Variants in MYCBP2 observed in about 807,000 individuals in gnomAD.
MYCBP2 encodes the protein MYC binding protein 2.
A neutral mutation model predicts 525.3 loss-of-function variants in MYCBP2; 120 were observed. The observed-to-expected ratio is 0.23, with a 90% CI of 0.20 to 0.27. MYCBP2 has a LOEUF of 0.27. MYCBP2 is among the 10% of genes least tolerant of loss of function. MYCBP2 has a pLI of 1.00. For missense variants in MYCBP2, 4,149 were observed against 5,657.1 expected (o/e 0.73, Z 8.55); for synonymous variants, 1,894 against 1,955.8 (o/e 0.97, Z 0.83).
intron 46 of MYCBP2, among the ~76,000 whole-genome samples, chr13:77,151,990 G>C (rs1484256777): frequency 1.3e-5 from 2 of 152,136 alleles, no homozygotes; most frequent in African/African-American, 2.4e-5. Flanking sequence ...ATAGTTTTGT[G>C]GTTGGCAAGA....
At chr13:77,268,797 T>G (rs1041024580) in intron 7 of MYCBP2, among the ~76,000 whole-genome samples, 2 of 151,978 alleles carry the variant, frequency 1.3e-5, no homozygotes, top group African/African-American at 4.8e-5. Context: ...AAAAAAAAAT[T>G]TAATTTCAAA....
intron 76 of MYCBP2, among the ~76,000 whole-genome samples, chr13:77,060,500 A>C (rs1394672910): frequency 1.3e-5 from 2 of 152,230 alleles, no homozygotes; most frequent in Non-Finnish European, 2.9e-5. Flanking sequence ...CAAATGGCAG[A>C]CTGCAGATGT....
chr13:77,077,947 T>TA (rs2042601217), intron 66 of MYCBP2: 2 of 152,626 alleles, frequency 1.3e-5, no homozygotes, highest in African/African-American at 4.8e-5. Context: ...TTTCAAGGAT[T>TA]AAATGTTAAT....
At position 77,098,544 on chromosome 13, in the gene MYCBP2, T is replaced by C. The variant is rs2154130100; in HGVS notation, c.8610A>G (p.Lys2870=). Reference sequence around the variant, plus strand: ...CTGGATCAAGTGTGTAAGAGTCTGATTTAGAACGTTCCCGAGGAGGATCAA... The same window carrying C: ...CTGGATCAAGTGTGTAAGAGTCTGACTTAGAACGTTCCCGAGGAGGATCAA... The part of the protein sequence containing the change: ...TKLDPPRERS[K]SDSYTLDPDT... The change falls in exon 56 of 83, where the codon AAA becomes AAG. Residue 2870 remains lysine, a synonymous_variant. Transcript: ENST00000544440. 1 of 1,613,752 alleles carries C rather than the reference T, an allele frequency of 6.2e-7. No homozygotes were observed.
At position 77,265,614 on chromosome 13, in the gene MYCBP2, A is replaced by G. The variant is rs149995434; in HGVS notation, c.1358-1612T>C. 2.8e-3 allele frequency among the ~76,000 whole-genome samples: 424 copies of G among 152,308 alleles called. 1 individual carries two copies. Among genetic ancestry groups the G allele is most frequent in the Non-Finnish European group, 4.8e-3 (325 of 68,014 alleles). On this transcript the variant is annotated intron_variant, in intron 8 of 82. Coordinates refer to ENST00000544440, the MANE Select transcript of MYCBP2 (RefSeq NM_015057.5). ...TCAAGGAATTACCTGATTTATGTCAACTTGAAACATGGTATTCATTACCAT... is the reference window on the plus strand; with the variant it reads ...TCAAGGAATTACCTGATTTATGTCAGCTTGAAACATGGTATTCATTACCAT...
At position 77,326,778 on chromosome 13, in the gene MYCBP2, T is replaced by TCGC. The variant is rs754197897; in HGVS notation, c.-6_-4dup. 1.6e-3 allele frequency: 2,220 copies of TCGC among 1,400,784 alleles called. 6 individuals are homozygous for TCGC. The highest frequency in any genetic ancestry group is 0.014 in the East Asian group (449 of 32,774). The allele number at this position is 1,400,784 out of a possible 1,614,324, so 86.8% of individuals were successfully genotyped here. On this transcript the variant is annotated 5_prime_UTR_variant, in exon 1 of 83. Coordinates refer to ENST00000544440, the MANE Select transcript of MYCBP2 (RefSeq NM_015057.5). The surrounding 1 kb of genome is among the most constrained non-coding windows in gnomAD (Gnocchi z 4.2). The stretch of plus-strand genomic sequence containing the variant: ...GCAGTCGCTGCGCACATCATCATCC[T>TCGC]CGCCGCCGCCGCCGCCGCCGCCGCC...
chr13:77,113,044 G>A (rs1019862874), intron 55 of MYCBP2, among the ~76,000 whole-genome samples: 3 of 152,064 alleles, frequency 2.0e-5, no homozygotes, highest in African/African-American at 7.2e-5. Flanking sequence ...CTGGCCCTCT[G>A]CATGAACAGT....
chr13:77,089,482 T>C (rs1000759557), intron 60 of MYCBP2, among the ~76,000 whole-genome samples: 3 of 152,090 alleles, frequency 2.0e-5, no homozygotes, highest in Non-Finnish European at 2.9e-5. Flanking sequence ...AACTTAATCA[T>C]CTGACTATAA....
rs1418527961 is a variant in MYCBP2 at position 77,292,715 on chromosome 13, T to C, written c.378+3884A>G. On this transcript the variant is annotated intron_variant, in intron 2 of 82. Transcript: ENST00000544440. ...GGCTTGTGCCTGTAATCCCAGCACTTTGGGAGGCCAAGGCGGGTGGTTCAC... is the reference window on the plus strand; with the variant it reads ...GGCTTGTGCCTGTAATCCCAGCACTCTGGGAGGCCAAGGCGGGTGGTTCAC... Among the ~76,000 whole-genome samples, 6 of 152,084 alleles carry C rather than the reference T, an allele frequency of 3.9e-5. No homozygotes were observed. The South Asian group carries it at 8.3e-4, about 21-fold the overall frequency.
At chr13:77,062,023 G>A (rs1398352199) in intron 74 of MYCBP2, among the ~76,000 whole-genome samples, 2 of 152,100 alleles carry the variant, frequency 1.3e-5, no homozygotes, top group East Asian at 1.9e-4. Flanking sequence ...ACAATGAACA[G>A]GTATACTTTG....
chr13:77,100,995 T>C, intron 55 of MYCBP2, among the ~76,000 whole-genome samples: 1 of 152,096 alleles, frequency 6.6e-6, no homozygotes, highest in Non-Finnish European at 1.5e-5. Context: ...TAACAGCATA[T>C]GGCAAATTTG....
At chr13:77,069,838 A>G (rs1260341555) in intron 69 of MYCBP2, among the ~76,000 whole-genome samples, 1 of 152,016 alleles carries the variant, frequency 6.6e-6, no homozygotes, top group South Asian at 2.1e-4. Flanking sequence ...ACTGCACTCC[A>G]GCCTGGGCAA....
At chr13:77,323,407 C>G (rs979912218) in intron 1 of MYCBP2, among the ~76,000 whole-genome samples, 1 of 152,134 alleles carries the variant, frequency 6.6e-6, no homozygotes, top group African/African-American at 2.4e-5. Flanking sequence ...TGAACACAAG[C>G]CTGTTCCCAT....
chr13:77,132,064 C>A (rs2052974803), intron 52 of MYCBP2, among the ~76,000 whole-genome samples: 2 of 152,064 alleles, frequency 1.3e-5, no homozygotes, highest in Non-Finnish European at 2.9e-5. Context: ...TTATTACAAT[C>A]TTAATTTAAC....
At chr13:77,246,090 A>G (rs183299303) in intron 15 of MYCBP2, among the ~76,000 whole-genome samples, 68 of 152,264 alleles carry the variant, frequency 4.5e-4, no homozygotes, top group African/African-American at 1.6e-3. Context: ...TATTTTGTAG[A>G]AGGTATAGCT....
rs191077988 is a variant in MYCBP2 at position 77,181,120 on chromosome 13, A to G, written c.4941+581T>C. Among the ~76,000 whole-genome samples the G allele has an allele frequency of 4.2e-3, 636 of 152,246 alleles. 12 individuals are homozygous for G. The highest frequency in any genetic ancestry group is 3.4e-3 in the Non-Finnish European group (228 of 68,010). On this transcript the variant is annotated intron_variant, in intron 33 of 82. Transcript: ENST00000544440. The stretch of plus-strand genomic sequence containing the variant: ...CCTAAGTGGAGATAAGAAAATTCCA[A>G]CCCCTACCGGTAGAAAAATTTCAAG...
chr13:77,062,485 C>A, intron 74 of MYCBP2, 111 bp downstream of exon 74: 3 of 852,514 alleles, frequency 3.5e-6, no homozygotes, highest in Non-Finnish European at 5.6e-6. Flanking sequence ...TTCAAGAGAT[C>A]CACTAACTGT....
At chr13:77,288,050 T>C (rs1008021827) in intron 3 of MYCBP2, 111 bp downstream of exon 3, 1 of 1,081,808 alleles carries the variant, frequency 9.2e-7, no homozygotes, top group African/African-American at 1.6e-5. Flanking sequence ...GTGTTATTTT[T>C]AGTGTGCAAT....
intron 31 of MYCBP2, 70 bp downstream of exon 31, chr13:77,185,801 T>C (rs1447929851): frequency 8.5e-6 from 10 of 1,178,190 alleles, no homozygotes; most frequent in Non-Finnish European, 1.2e-5. Flanking sequence ...CTCTCAGTTA[T>C]CTCAAAGTAA....
Sources: gnomAD v4.1 joint callset for allele counts (sites outside exome capture counted in the v4.1 genomes callset) on GRCh38, gnomAD v4.1.1 for gene constraint, Gnocchi (gnomAD v3.1) non-coding constraint, MANE v1.5 for transcripts, NCBI Gene and HGNC (gene_info 2026-07-23, HGNC 2026-07-21) for gene names.